FILIP1L: variants seen among roughly 807,000 people sequenced by gnomAD.
FILIP1L encodes the protein filamin A-interacting protein 1-like.
A neutral mutation model predicts 96.6 loss-of-function variants in FILIP1L; 55 were observed. The observed-to-expected ratio is 0.57, with a 90% confidence interval of 0.46 to 0.71. The LOEUF is 0.71. FILIP1L is among the 30% of genes least tolerant of loss of function. The pLI is 0.00. For synonymous variants in FILIP1L, 467 were observed against 473.9 expected, an observed-to-expected ratio of 0.99 and a Z score of 0.19; for missense variants, 1,304 against 1,321.2, an observed-to-expected ratio of 0.99 and a Z score of 0.20.
intron 4 of FILIP1L, among the ~76,000 whole-genome samples, chr3:99,897,175 A>G (rs1344284876): frequency 6.6e-6 from 1 of 152,164 alleles, no homozygotes; most frequent in African/African-American, 2.4e-5. Context: ...CCTAGCCAAC[A>G]TAGTGAAACC....
chr3:100,000,959 A>C (rs767374804), intron 1 of FILIP1L, among the ~76,000 whole-genome samples: 2 of 152,218 alleles, frequency 1.3e-5, no homozygotes, highest in African/African-American at 4.8e-5. Flanking sequence ...TTTAATGCCA[A>C]CTATGTTTTC....
chr3:99,876,719 AAC>A (rs1705545445), intron 4 of FILIP1L, among the ~76,000 whole-genome samples: 1 of 152,102 alleles, frequency 6.6e-6, no homozygotes, highest in Non-Finnish European at 1.5e-5. Flanking sequence ...CTGATGATGT[AAC>A]TACCAAACAA....
At chr3:100,013,060 A>C (rs760820207) in intron 1 of FILIP1L, among the ~76,000 whole-genome samples, 91 of 152,126 alleles carry the variant, frequency 6.0e-4, no homozygotes, top group Non-Finnish European at 4.7e-4. Flanking sequence ...TTTTGTTTGG[A>C]GAGACAGGGT....
chr3:99,924,381 C>G lies in FILIP1L; in HGVS notation c.454G>C (p.Glu152Gln). 2 of 1,614,026 alleles carry G rather than the reference C, an allele frequency of 1.2e-6. No homozygotes were observed. The highest frequency in any genetic ancestry group is 1.7e-6 in the Non-Finnish European group (2 of 1,179,998). ...ELDKVVEKHK[E>Q]SYRRILGQLL... ...TGTCCCAGGATTCGTCTGTAAGATT[C>G]TTTATGTTTTTCCACAACTTTGTCC... Residue 152 changes from glutamate to glutamine, a missense_variant, in exon 4 of 6, where the codon GAA (glutamate) becomes CAA (glutamine). Physicochemically the swap from Glu to Gln is conservative, Grantham distance 29 (BLOSUM62 2). Transcript: ENST00000477258.
intron 1 of FILIP1L, among the ~76,000 whole-genome samples, chr3:100,063,072 G>A (rs1255329691): frequency 1.3e-5 from 2 of 152,232 alleles, no homozygotes; most frequent in Non-Finnish European, 2.9e-5. Context: ...AAAGTCAGAA[G>A]AACTTTGAAC....
At chr3:99,895,644 A>C (rs1706227786) in intron 4 of FILIP1L, among the ~76,000 whole-genome samples, 1 of 152,198 alleles carries the variant, frequency 6.6e-6, no homozygotes, top group Non-Finnish European at 1.5e-5. Context: ...ATCAGTGCAG[A>C]TCGAAATAAA....
intron 1 of FILIP1L, among the ~76,000 whole-genome samples, chr3:99,966,961 G>A (rs1287483147): frequency 6.6e-6 from 1 of 152,138 alleles, no homozygotes; most frequent in Non-Finnish European, 1.5e-5. Context: ...TGCCCCACAT[G>A]CTATACAGGT....
At position 99,945,405 on chromosome 3, in the gene FILIP1L, C is replaced by T. The variant is rs1415006916; in HGVS notation, c.-10-14375G>A. Among the ~76,000 whole-genome samples the T allele has an allele frequency of 7.2e-5, 11 of 152,292 alleles. No individual in the cohort carries two copies. The East Asian group carries it at 1.7e-3, about 24-fold the overall frequency. Reference sequence around the variant, plus strand: ...GGGGATAGATTGAGCTTGGGGGTTCCACCCACTGTGTGTGGTTCCATATAG... The same window carrying T: ...GGGGATAGATTGAGCTTGGGGGTTCTACCCACTGTGTGTGGTTCCATATAG... On this transcript the variant is annotated intron_variant, in intron 1 of 5. Coordinates refer to ENST00000477258, the MANE Select transcript of FILIP1L (RefSeq NM_001387850.1).
At position 99,849,015 on chromosome 3, in the gene FILIP1L, C is replaced by T. The variant is rs1281114724; in HGVS notation, c.2661G>A (p.Val887=). ...GGCTTAGGACTAGATCTCCAGGTTG[C>T]ACAAAGTTGGCATTGGGTTTAGTTT... ...KMQTKPNANF[V]QPGDLVLSHT... The change falls in exon 5 of 6, where the codon GTG becomes GTA. Residue 887 remains valine (V), a synonymous_variant. Coordinates refer to ENST00000477258, the MANE Select transcript of FILIP1L (RefSeq NM_001387850.1). 4.3e-6 allele frequency: 7 copies of T among 1,614,070 alleles called. No individual in the cohort carries two copies. In the Admixed American group the frequency reaches 8.3e-5, roughly 19 times the overall value.
At chr3:100,109,320 A>G (rs1031606935) in intron 1 of FILIP1L, among the ~76,000 whole-genome samples, 4 of 152,296 alleles carry the variant, frequency 2.6e-5, no homozygotes, top group African/African-American at 9.6e-5. Context: ...ATATAGAGCC[A>G]CACAATAAGG....
rs2066537990 is a variant in FILIP1L, at chr3:100,114,398, T to G, written c.-356A>C. ...GCCAGTCTCTGTGGAAGAAAGGTTC[T>G]AACTGGACTGGGCTGCAGGATGAGG... On this transcript the variant is annotated 5_prime_UTR_variant, in exon 1 of 6. Coordinates refer to ENST00000477258, the MANE Select transcript of FILIP1L (RefSeq NM_001387850.1). 1 of 152,394 alleles carries G rather than the reference T, an allele frequency of 6.6e-6. No homozygotes were observed. Among genetic ancestry groups the G allele is most frequent in the African/African-American group, 2.4e-5 (1 of 41,422 alleles). The allele number at this position is 152,394 out of a possible 1,614,324, so 9.4% of individuals were successfully genotyped here.
intron 1 of FILIP1L, among the ~76,000 whole-genome samples, chr3:100,030,492 C>T (rs1176253199): frequency 2.0e-5 from 3 of 152,146 alleles, no homozygotes; most frequent in Non-Finnish European, 4.4e-5. Flanking sequence ...ATTGCTCATT[C>T]TCATTCATGC....
chr3:99,897,698 G>C (rs1483093844), intron 4 of FILIP1L, among the ~76,000 whole-genome samples: 2 of 152,132 alleles, frequency 1.3e-5, no homozygotes, highest in African/African-American at 2.4e-5. Flanking sequence ...ATGAGGTTCT[G>C]AGCTGGTTAG....
chr3:99,926,856 G>C (rs548961808), intron 3 of FILIP1L, among the ~76,000 whole-genome samples: 3 of 152,256 alleles, frequency 2.0e-5, no homozygotes, highest in African/African-American at 7.2e-5. Context: ...ATGGAAAGAA[G>C]GCTAGAAGGA....
intron 4 of FILIP1L, among the ~76,000 whole-genome samples, chr3:99,858,728 G>A (rs1362607119): frequency 6.6e-6 from 1 of 150,858 alleles, no homozygotes; most frequent in South Asian, 2.1e-4. Context: ...ACACTTCTGA[G>A]AGAATGAGAG....
At chr3:100,005,601 G>A (rs192782890) in intron 1 of FILIP1L, among the ~76,000 whole-genome samples, 103 of 152,298 alleles carry the variant, frequency 6.8e-4, no homozygotes, top group African/African-American at 2.1e-3. Context: ...GAATTCCAAT[G>A]ATTCTAAAGT....
intron 5 of FILIP1L, among the ~76,000 whole-genome samples, chr3:99,844,401 A>G (rs1319599610): frequency 6.6e-6 from 1 of 152,180 alleles, no homozygotes; most frequent in Non-Finnish European, 1.5e-5. Flanking sequence ...TCTTGGGATT[A>G]CAAAGCAAAA....
intron 1 of FILIP1L, among the ~76,000 whole-genome samples, chr3:100,059,893 G>A (rs2065530610): frequency 6.6e-6 from 1 of 152,146 alleles, no homozygotes; most frequent in Admixed American, 6.5e-5. Flanking sequence ...ACATGCATGT[G>A]GACTGGATTC....
At position 99,851,068 on chromosome 3, in the gene FILIP1L, A is replaced by G; in HGVS notation, c.608T>C (p.Leu203Ser). The G allele has an allele frequency of 6.4e-7, 1 of 1,573,832 alleles. No individual in the cohort carries two copies. ...ICLLEQECERLKKLIDQEIKS... is the reference protein window; with the variant it reads ...ICLLEQECERSKKLIDQEIKS... The stretch of plus-strand genomic sequence containing the variant: ...GATTTCTTGATCAATTAGCTTCTTT[A>G]ATCTGAAAAATGTAAAGTGCATTTT... The change falls in exon 5 of 6, where the codon TTA (leucine) becomes TCA (serine). Residue 203 changes from leucine (L) to serine (S), a missense_variant and splice_region_variant. Transcript: ENST00000477258.
Sources: allele counts gnomAD v4.1 joint callset (sites outside exome capture counted in the v4.1 genomes callset), GRCh38; gene constraint gnomAD v4.1.1; transcripts MANE v1.5; gene names NCBI Gene and HGNC (gene_info 2026-07-23, HGNC 2026-07-21).